KYAT3: variants seen among roughly 807,000 people sequenced by gnomAD.
KYAT3 encodes the protein kynurenine aminotransferase 3, also known as kynurenine--oxoglutarate transaminase 3.
Under a neutral mutation model 59.0 loss-of-function variants are expected in KYAT3, and 50 were observed. The observed-to-expected ratio is 0.85, with a 90% CI of 0.68 to 1.07. KYAT3 has a LOEUF of 1.07. Ranked by LOEUF, KYAT3 falls within the 50% of genes least tolerant of loss-of-function variation. The probability of loss-of-function intolerance (pLI) is 0.00; values close to 1 mark genes in which losing one functional copy is unlikely to be tolerated. For missense variants in KYAT3, 497 were observed against 533.3 expected (o/e 0.93, Z 0.67); for synonymous variants, 148 against 177.0 (o/e 0.84, Z 1.30).
At chr1:88,948,309 T>A (rs1006015965) in intron 11 of KYAT3, among the ~76,000 whole-genome samples, 5 of 152,226 alleles carry the variant, frequency 3.3e-5, no homozygotes, top group Non-Finnish European at 7.3e-5. Context: ...TTTAAAACAT[T>A]TAAAACTATA....
At chr1:88,953,258 A>C in intron 9 of KYAT3, 106 bp from the exon 10 acceptor site, 1 of 741,114 alleles carries the variant, frequency 1.3e-6, no homozygotes, top group Non-Finnish European at 2.3e-6. Flanking sequence ...CAATCCTAAA[A>C]TGTTGGCTGG....
Position 88,990,527 on chromosome 1 carries a change from G to A in KYAT3, c.-2+2058C>T, listed in dbSNP as rs866228771. 2.4e-4 allele frequency among the ~76,000 whole-genome samples: 37 copies of A among 152,304 alleles called. 1 individual carries two copies. Among genetic ancestry groups the A allele is most frequent in the African/African-American group, 8.7e-4 (36 of 41,560 alleles). ...TGCAGCTTTAGATACTGGCAGGCAA[G>A]CCCTTTTTCCCCTGAGAAACACCAT... On this transcript the variant is annotated intron_variant, in intron 1 of 13. Transcript: ENST00000260508.
downstream of KYAT3, among the ~76,000 whole-genome samples, chr1:88,935,396 T>C (rs776622693): frequency 1.4e-4 from 21 of 149,406 alleles, no homozygotes; most frequent in Non-Finnish European, 2.5e-4. Flanking sequence ...AGGGAGAGCA[T>C]GTGCACAAGA....
chr1:88,925,888 G>T, the KYAT3 span, among the ~76,000 whole-genome samples: 1 of 152,270 alleles, frequency 6.6e-6, no homozygotes, highest in South Asian at 2.1e-4. Context: ...GATAATTGAA[G>T]GTCTTCTCCC....
At position 88,988,477 on chromosome 1, in the gene KYAT3, G is replaced by A. The variant is rs572477620; in HGVS notation, c.-1-126C>T. ...ATCCAAGTAAACATTTTTGATAAGT[G>A]AGTTTGCTTTCTTTCAAGTTTTCTT... On this transcript the variant is annotated intron_variant, in intron 1 of 13. Coordinates refer to ENST00000260508, the MANE Select transcript of KYAT3 (RefSeq NM_001008661.3). The A allele has an allele frequency of 1.4e-4, 76 of 527,334 alleles. 1 individual carries two copies. The South Asian group carries it at 2.0e-3, about 14-fold the overall frequency. 32.7% of individuals were successfully genotyped at this position (527,334 alleles called of 1,614,324 possible). A position where few individuals can be genotyped will look rare whatever the true frequency, so the allele number is the denominator to read the frequency against.
At chr1:88,938,792 G>A (rs1675129842) in intron 13 of KYAT3, among the ~76,000 whole-genome samples, 1 of 152,158 alleles carries the variant, frequency 6.6e-6, no homozygotes, top group African/African-American at 2.4e-5. Context: ...CAGCATTGAT[G>A]GGCATTTAGG....
In KYAT3 at chr1:88,984,100, G is replaced by C. The variant is rs150152732; in HGVS notation, c.99+4152C>G. On this transcript the variant is annotated intron_variant, in intron 2 of 13. Coordinates refer to ENST00000260508, the MANE Select transcript of KYAT3 (RefSeq NM_001008661.3). ...GTGGAAGAAATGAAAGTAAAACTCA[G>C]AAGTGGAAATGTAAAGCAGGGAAAG... 1.2e-3 allele frequency: 535 copies of C among 450,276 alleles called. 3 individuals are homozygous for C. Among genetic ancestry groups the C allele is most frequent in the African/African-American group, 9.8e-3 (495 of 50,268 alleles). 27.9% of individuals were successfully genotyped at this position (450,276 alleles called of 1,614,324 possible).
intron 10 of KYAT3, among the ~76,000 whole-genome samples, chr1:88,952,625 T>C (rs1218413084): frequency 6.6e-6 from 1 of 152,220 alleles, no homozygotes; most frequent in African/African-American, 2.4e-5. Flanking sequence ...GAAGCCACTA[T>C]GCTTTCTGTA....
chr1:88,950,164 A>G (rs1675614539), intron 10 of KYAT3, among the ~76,000 whole-genome samples: 1 of 152,214 alleles, frequency 6.6e-6, no homozygotes, highest in Non-Finnish European at 1.5e-5. Context: ...CCTCCAGAAC[A>G]GTGAGAAATA....
At chr1:88,929,985 AG>A in the KYAT3 span, among the ~76,000 whole-genome samples, 2 of 152,250 alleles carry the variant, frequency 1.3e-5, no homozygotes, top group Non-Finnish European at 2.9e-5. Flanking sequence ...CAGGCCCTAA[AG>A]AAGGCCCTAA....
intron 2 of KYAT3, chr1:88,984,204 CTTTTTT>C (rs908183722): frequency 0.034 from 2,740 of 81,610 alleles, 45 homozygotes; most frequent in African/African-American, 0.11. Context: ...TTTTTTGTTG[CTTTTTT>C]TTTTTTTTTT....
chr1:88,988,736 G>C (rs111467078), intron 1 of KYAT3, among the ~76,000 whole-genome samples: 1 of 152,170 alleles, frequency 6.6e-6, no homozygotes, highest in African/African-American at 2.4e-5. Flanking sequence ...GAATCCTCTG[G>C]ATAACAGTCA....
intron 9 of KYAT3, among the ~76,000 whole-genome samples, chr1:88,954,047 A>T (rs564667448): frequency 4.0e-5 from 6 of 151,888 alleles, no homozygotes; most frequent in Non-Finnish European, 8.8e-5. Context: ...GATTACAGGC[A>T]TGCGCCACCA....
chr1:88,955,360 G>T, intron 8 of KYAT3, 135 bp from the exon 9 acceptor site: 6 of 480,020 alleles, frequency 1.2e-5, no homozygotes, highest in Non-Finnish European at 1.8e-5. Flanking sequence ...GTTATTTCTA[G>T]TTTTTTTTTT....
chr1:88,987,767 C>T (rs1477508312), intron 2 of KYAT3, among the ~76,000 whole-genome samples: 1 of 152,220 alleles, frequency 6.6e-6, no homozygotes, highest in Non-Finnish European at 1.5e-5. Flanking sequence ...TTCATTACCA[C>T]ACCTCACCAA....
intron 2 of KYAT3, among the ~76,000 whole-genome samples, chr1:88,986,354 G>C (rs915875473): frequency 6.7e-6 from 1 of 149,676 alleles, no homozygotes; most frequent in African/African-American, 2.5e-5. Flanking sequence ...GGCCAGGCGC[G>C]GTGGCTCACG....
At chr1:88,931,281 C>T (rs537902167), downstream of KYAT3, among the ~76,000 whole-genome samples, 5 of 152,142 alleles carry the variant, frequency 3.3e-5, no homozygotes, top group Admixed American at 2.6e-4. Flanking sequence ...ATATTTCAAT[C>T]CCTCTATCTT....
In KYAT3 at chr1:88,985,475, C is replaced by T. The variant is rs775455055; in HGVS notation, c.99+2777G>A. ...AAGTCTGTGTTCAATCCCTCACACA[C>T]ATGCCATGTTCTGTGCCAAAAACAC... On this transcript the variant is annotated intron_variant, in intron 2 of 13. Coordinates refer to ENST00000260508, the MANE Select transcript of KYAT3 (RefSeq NM_001008661.3). Among the ~76,000 whole-genome samples the T allele has an allele frequency of 4.3e-4, 65 of 152,218 alleles. 2 individuals carry two copies. Among genetic ancestry groups the T allele is most frequent in the Admixed American group, 7.9e-4 (12 of 15,286 alleles).
chr1:88,942,970 C>A, intron 13 of KYAT3, 35 bp downstream of exon 13: 1 of 1,329,762 alleles, frequency 7.5e-7, no homozygotes, highest in South Asian at 1.2e-5. Flanking sequence ...AATGAAGATA[C>A]TATATATGTG....
Sources: gnomAD v4.1 joint callset for allele counts (sites outside exome capture counted in the v4.1 genomes callset) on GRCh38, gnomAD v4.1.1 for gene constraint, MANE v1.5 for transcripts, NCBI Gene and HGNC (gene_info 2026-07-23, HGNC 2026-07-21) for gene names.